The following MUC4 variants were observed in gnomAD, a reference collection of about 807,000 sequenced individuals.
MUC4 encodes the protein mucin-4.
MUC4 carries 202 observed loss-of-function variants against 257.9 expected under a neutral mutation model. The observed-to-expected ratio is 0.78, with a 90% CI of 0.70 to 0.88. The LOEUF (loss-of-function observed/expected upper bound fraction) is 0.88. Ranked by LOEUF, MUC4 falls within the 40% of genes least tolerant of loss-of-function variation. The pLI is 0.00. For synonymous variants in MUC4, 2,351 were observed against 2,757.1 expected, an observed-to-expected ratio of 0.85 and a Z score of 4.62; for missense variants, 5,976 against 6,513.7, an observed-to-expected ratio of 0.92 and a Z score of 2.84.
chr3:195,752,373 C>A lies in MUC4; in HGVS notation c.15582G>T (p.Ser5194=), dbSNP rs372933950. Residue 5194 remains serine (S), a splice_region_variant and synonymous_variant, in exon 21 of 25, where the codon TCG becomes TCT. Coordinates refer to ENST00000463781, the MANE Select transcript of MUC4 (RefSeq NM_018406.7). ...CCAGAGCGCGGCCTGCAGCACTGAC[C>A]GAGGCGTTGACTTCTGCCATGGAGG... ...ENASMAEVNA[S]VAYRLGTLDM... The A allele has an allele frequency of 6.2e-7, 1 of 1,612,836 alleles. No individual in the cohort carries two copies.
At chr3:195,760,544 G>GCGTCCAGCACTA (rs1560239050) in intron 16 of MUC4, among the ~76,000 whole-genome samples, 8 of 112,716 alleles carry the variant, frequency 7.1e-5, no homozygotes, top group Non-Finnish European at 4.5e-5. Context: ...GGCTGGGAAG[G>GCGTCCAGCACTA]GGTCCAGCGC....
rs1717394378 is a variant in MUC4, at chr3:195,755,044, T to G, written c.15169-672A>C. On this transcript the variant is annotated intron_variant, in intron 18 of 24. Coordinates refer to ENST00000463781, the MANE Select transcript of MUC4 (RefSeq NM_018406.7). The surrounding 1 kb of genome is among the most constrained non-coding windows in gnomAD (Gnocchi z 5.0). ...ATTCCTTATTTATTTTGAGACAGGG[T>G]CCCACTCGGTTGCCCAGGCTGGAGT... 6.6e-6 allele frequency among the ~76,000 whole-genome samples: 1 copy of G among 152,046 alleles called. No individual in the cohort carries two copies. Among genetic ancestry groups the G allele is most frequent in the Non-Finnish European group, 1.5e-5 (1 of 68,008 alleles).
Position 195,789,331 on chromosome 3 carries a change from C to G in MUC4, c.2249G>C (p.Gly750Ala). ...GGCTGATGTCCATTGTCCTTCTGGGCCCCCTGGTGTTGACACTACAGAGTT... is the reference window on the plus strand; with the variant it reads ...GGCTGATGTCCATTGTCCTTCTGGGGCCCCTGGTGTTGACACTACAGAGTT... ...LANSVVSTPG[G>A]PEGQWTSASA... The change falls in exon 2 of 25, where the codon GGC (glycine) becomes GCC (alanine). Residue 750 changes from glycine to alanine, a missense_variant. Gly to Ala is a moderately conservative substitution (Grantham distance 60, BLOSUM62 0). Transcript: ENST00000463781. 6.2e-7 allele frequency: 1 copy of G among 1,613,864 alleles called. No homozygotes were observed. The highest frequency in any genetic ancestry group is 8.5e-7 in the Non-Finnish European group (1 of 1,179,872).
intron 7 of MUC4, among the ~76,000 whole-genome samples, chr3:195,767,886 T>TCGCCACTATCACCCCCAA (rs1721819106): frequency 1.4e-5 from 1 of 69,912 alleles, no homozygotes; most frequent in Admixed American, 1.2e-4. Flanking sequence ...ATCACCACCA[T>TCGCCACTATCACCCCCAA]CACCACCACC....
intron 7 of MUC4, among the ~76,000 whole-genome samples, chr3:195,767,701 A>ACTACC (rs1560263742): frequency 6.4e-3 from 7 of 1,094 alleles, no homozygotes; most frequent in African/African-American, 0.03. Flanking sequence ...CCCCCCAAAA[A>ACTACC]ATACCACCAT....
In MUC4 at chr3:195,786,662, A is replaced by G. The variant is rs751482723; in HGVS notation, c.4918T>C (p.Ser1640Pro). ...TTPLPVTNASSLSTGHATPLH... is the reference protein window; with the variant it reads ...TTPLPVTNASPLSTGHATPLH... The stretch of plus-strand genomic sequence containing the variant: ...GGGGTGGCGTGACCTGTGGATAATG[A>G]GGAAGCATTGGTGACAGGAAGAGGG... The change falls in exon 2 of 25, where the codon TCA (serine) becomes CCA (proline). Residue 1640 changes from serine (S) to proline (P), a missense_variant. Physicochemically the swap from Ser to Pro is moderately conservative, Grantham distance 74 (BLOSUM62 -1). Transcript: ENST00000463781. 2.0e-6 allele frequency: 3 copies of G among 1,527,510 alleles called. No individual in the cohort carries two copies. Among genetic ancestry groups the G allele is most frequent in the Non-Finnish European group, 2.6e-6 (3 of 1,134,288 alleles). The allele number at this position is 1,527,510 out of a possible 1,614,324, so 94.6% of individuals were successfully genotyped here. A position where few individuals can be genotyped will look rare whatever the true frequency, so the allele number is the denominator to read the frequency against.
intron 16 of MUC4, 112 bp from the exon 17 acceptor site, chr3:195,759,373 A>G: frequency 1.5e-6 from 2 of 1,373,998 alleles, no homozygotes; most frequent in African/African-American, 1.4e-5. Flanking sequence ...ACTGTGACCC[A>G]CCTCTGGAAG....
Position 195,787,455 on chromosome 3 carries a change from G to T in MUC4, c.4125C>A (p.Thr1375=). ...DASSASTGQA[T]PLPVTSLSSV... ...AGGAAAGGCTGGTGACAGGAAGAGG[G>T]GTGGCCTGACCTGTGGATGCTGAGG... The change falls in exon 2 of 25, where the codon ACC becomes ACA. Residue 1375 remains threonine, a synonymous_variant. Transcript: ENST00000463781. The T allele has an allele frequency of 1.4e-6, 1 of 724,280 alleles. No homozygotes were observed. Among genetic ancestry groups the T allele is most frequent in the Non-Finnish European group, 2.0e-6 (1 of 498,896 alleles). The allele number at this position is 724,280 out of a possible 1,614,324, so 44.9% of individuals were successfully genotyped here.
Position 195,762,952 on chromosome 3 carries a change from G to A in MUC4, c.14254-7C>T. On this transcript the variant is annotated splice_region_variant and splice_polypyrimidine_tract_variant and intron_variant, in intron 12 of 24. Transcript: ENST00000463781. ...GCTCAAGGAGCCATTGGACCTGGAA[G>A]GAGATGGGAGGGGGCCTGAGCCCGA... 1 of 1,548,546 alleles carries A rather than the reference G, an allele frequency of 6.5e-7. No homozygotes were observed. The highest frequency in any genetic ancestry group is 2.4e-5 in the East Asian group (1 of 41,094).
chr3:195,762,691 TGCACCGCAAAGCACTCGGCGCG>T (rs1190654987), intron 13 of MUC4, among the ~76,000 whole-genome samples, 142 bp downstream of exon 13: 3,156 of 75,016 alleles, frequency 0.042, 346 homozygotes, highest in African/African-American at 0.095. Flanking sequence ...CACCCGGCCC[TGCACCGCAAAGCACTCGGCGCG>T]GCACCGCCAC....
rs755811124 is a variant in MUC4 at position 195,788,921 on chromosome 3, C to T, written c.2659G>A (p.Gly887Arg). Residue 887 changes from glycine (G) to arginine (R), a missense_variant, in exon 2 of 25, where the codon GGA becomes AGA. Physicochemically the swap from Gly to Arg is moderately radical, Grantham distance 125. Around this residue, in one of 44 missense-constraint regions of MUC4, gnomAD observed 1,583 missense variants for 1,257.4 expected, o/e 1.26. Transcript: ENST00000463781. ...SEASTAGRPT[G>R]QSSPTSPSAS... ...CTGGGAGAAGTTGGGCTTGACTGTC[C>T]TGTCGGTCTCCCTGCAGTGGAGGCC... 1.1e-5 allele frequency: 17 copies of T among 1,613,478 alleles called. No individual in the cohort carries two copies. The highest frequency in any genetic ancestry group is 1.7e-5 in the Admixed American group (1 of 59,906).
Position 195,778,797 on chromosome 3 carries a change from T to G in MUC4, c.12783A>C (p.Glu4261Asp). Residue 4261 changes from glutamate (E) to aspartate (D), a missense_variant, in exon 2 of 25, where the codon GAA becomes GAC. Transcript: ENST00000463781. Reference sequence around the variant, plus strand: ...GAGGCAGTTGGCAGCTACCTGGTGTTTCCATCTTCAGAGGGGAGTCCGAGG... The same window carrying G: ...GAGGCAGTTGGCAGCTACCTGGTGTGTCCATCTTCAGAGGGGAGTCCGAGG... The part of the protein sequence containing the change: ...TVSSDSPLKM[E>D]TPGMTTPSLK... 2 of 1,610,082 alleles carry G rather than the reference T, an allele frequency of 1.2e-6. No homozygotes were observed. The highest frequency in any genetic ancestry group is 1.7e-6 in the Non-Finnish European group (2 of 1,178,156).
In MUC4 at chr3:195,789,147, A is replaced by G. The variant is rs1431732506; in HGVS notation, c.2433T>C (p.Ser811=). 6.2e-7 allele frequency: 1 copy of G among 1,613,224 alleles called. No homozygotes were observed. The highest frequency in any genetic ancestry group is 8.5e-7 in the Non-Finnish European group (1 of 1,179,768). Residue 811 remains serine (S), a synonymous_variant, in exon 2 of 25, where the codon AGT becomes AGC. Coordinates refer to ENST00000463781, the MANE Select transcript of MUC4 (RefSeq NM_018406.7). ...CTTCGCTTCCTGAAGGTGTTGTGCC[A>G]CTCGCCCCGGATGAGGAAGGGGTAG... ...GTATPSSSGA[S]GTTPSGSEGI...
At chr3:195,756,597 T>C (rs1402455093) in intron 18 of MUC4, among the ~76,000 whole-genome samples, 2 of 149,812 alleles carry the variant, frequency 1.3e-5, no homozygotes, top group Non-Finnish European at 3.0e-5. Context: ...CCTTTCCCTT[T>C]CTTTCCTTTC....
chr3:195,803,675 C>A (rs1294938478), intron 1 of MUC4, among the ~76,000 whole-genome samples: 3 of 152,168 alleles, frequency 2.0e-5, no homozygotes, highest in African/African-American at 7.2e-5. Flanking sequence ...ATTCAGCGGC[C>A]CCATTTCACA....
chr3:195,762,340 C>T (rs1719182877), intron 13 of MUC4, 86 bp from the exon 14 acceptor site: 1 of 1,380,476 alleles, frequency 7.2e-7, no homozygotes, highest in Non-Finnish European at 9.8e-7. Flanking sequence ...CCGCACCACC[C>T]CCACCCCGCC....
At chr3:195,809,278 A>T (rs1320096802) in intron 1 of MUC4, among the ~76,000 whole-genome samples, 3 of 152,114 alleles carry the variant, frequency 2.0e-5, no homozygotes, top group Admixed American at 6.5e-5. Flanking sequence ...CTTCAGTGTG[A>T]CCCAGCCTGG....
rs757647130 is a variant in MUC4, at chr3:195,786,811, G to C, written c.4769C>G (p.Thr1590Ser). ...GHTTPLPVTD[T>S]SSASKGDTTP... ...GGTGTCACCTTTGGATGCTGAGGAA[G>C]TGTCGGTGACAGGAAGAGGGGTGGT... is the stretch of plus-strand genomic sequence containing the variant. Residue 1590 changes from threonine to serine, a missense_variant, in exon 2 of 25, where the codon ACT (threonine) becomes AGT (serine). Around this residue, in one of 44 missense-constraint regions of MUC4, gnomAD observed 63 missense variants for 68.8 expected, o/e 0.92. Coordinates refer to ENST00000463781, the MANE Select transcript of MUC4 (RefSeq NM_018406.7). 4 of 1,520,060 alleles carry C rather than the reference G, an allele frequency of 2.6e-6. No homozygotes were observed. In the African/African-American group the frequency reaches 6.0e-5, roughly 23 times the overall value. 94.2% of individuals were successfully genotyped at this position (1,520,060 alleles called of 1,614,324 possible). A position where few individuals can be genotyped will look rare whatever the true frequency, so the allele number is the denominator to read the frequency against.
chr3:195,804,051 G>A (rs908903595), intron 1 of MUC4, among the ~76,000 whole-genome samples: 6 of 152,228 alleles, frequency 3.9e-5, no homozygotes, highest in East Asian at 3.8e-4. Context: ...GAAGACACAC[G>A]TGTGTCATTG....
Sources: gnomAD v4.1 joint callset for allele counts (sites outside exome capture counted in the v4.1 genomes callset) on GRCh38, gnomAD v4.1.1 for gene constraint, gnomAD v4.1.1 regional missense constraint, Gnocchi (gnomAD v3.1) non-coding constraint, MANE v1.5 for transcripts, NCBI Gene and HGNC (gene_info 2026-07-23, HGNC 2026-07-21) for gene names.